GRN: variants seen among roughly 807,000 people sequenced by gnomAD.
GRN encodes granulin precursor.
GRN carries 30 observed loss-of-function variants against 66.7 expected under a neutral mutation model. That is an observed-to-expected ratio of 0.45 (90% CI 0.34 to 0.61). GRN has a LOEUF of 0.61. Among genes scored for constraint, GRN ranks in the 20% least tolerant of loss-of-function variants. GRN has a pLI of 0.01. For missense variants in GRN, 731 were observed against 803.5 expected (o/e 0.91, Z 1.09); for synonymous variants, 327 against 311.1 (o/e 1.05, Z -0.54).
rs931633599 is a variant in GRN, at chr17:44,350,260, G to T, written c.382G>T (p.Asp128Tyr). 6.2e-7 allele frequency: 1 copy of T among 1,613,848 alleles called. No individual in the cohort carries two copies. The highest frequency in any genetic ancestry group is 1.7e-5 in the Admixed American group (1 of 59,998). The change falls in exon 5 of 13, where the codon GAT (aspartate) becomes TAT (tyrosine). Residue 128 changes from aspartate to tyrosine, a missense_variant. Coordinates refer to ENST00000053867, the MANE Select transcript of GRN (RefSeq NM_002087.4). Reference protein sequence around the residue: ...NNSVGAIQCPDSQFECPDFST... With the variant: ...NNSVGAIQCPYSQFECPDFST... ...CTCCGTGGGTGCCATCCAGTGCCCT[G>T]ATAGTCAGTTCGAATGCCCGGACTT... is the stretch of plus-strand genomic sequence containing the variant.
At chr17:44,348,451 T>C (rs937713538) in intron 1 of GRN, among the ~76,000 whole-genome samples, 2 of 152,120 alleles carry the variant, frequency 1.3e-5, no homozygotes, top group Admixed American at 1.3e-4. Context: ...AGGGCCCTGG[T>C]GGTGTGGGGG....
intron 1 of GRN, 74 bp from the exon 2 acceptor site, chr17:44,349,084 G>C: frequency 6.5e-7 from 1 of 1,528,966 alleles, no homozygotes; most frequent in South Asian, 1.1e-5. Flanking sequence ...CCTGGGGCTA[G>C]GGTACTGAGT....
Position 44,352,917 on chromosome 17 carries a change from A to C in GRN, c.*119A>C. The C allele has an allele frequency of 6.2e-6, 6 of 972,004 alleles. No homozygotes were observed. Among genetic ancestry groups the C allele is most frequent in the Non-Finnish European group, 9.5e-6 (6 of 631,930 alleles). The allele number at this position is 972,004 out of a possible 1,614,324, so 60.2% of individuals were successfully genotyped here. A position where few individuals can be genotyped will look rare whatever the true frequency, so the allele number is the denominator to read the frequency against. On this transcript the variant is annotated 3_prime_UTR_variant, in exon 13 of 13. Transcript: ENST00000053867. ...CCCTGGACCCCATTCTGAGCTCCCC[A>C]TCACCATGGGAGGTGGGGCCTCAAT...
intron 4 of GRN, 150 bp downstream of exon 4, chr17:44,349,901 A>G (rs1310051636): frequency 6.0e-6 from 4 of 670,246 alleles, no homozygotes; most frequent in Non-Finnish European, 1.1e-5. Context: ...TGCTGTGGAC[A>G]GAGGGGCAGC....
rs764615963 is a variant in GRN, at chr17:44,352,413, G to A, written c.1486G>A (p.Glu496Lys). The change falls in exon 12 of 13, where the codon GAG becomes AAG. Residue 496 changes from glutamate (E) to lysine (K), a missense_variant. Glu to Lys is a moderately conservative substitution (Grantham distance 56). This residue lies in a region of GRN where 319 missense variants were observed against 347.2 expected (regional missense o/e 0.92). Transcript: ENST00000053867. ...CTGCAACGTGAAGGCTCGATCCTGC[G>A]AGAAGGAAGTGGTCTCTGCCCAGCC... ...YTCNVKARSC[E>K]KEVVSAQPAT... The A allele has an allele frequency of 2.4e-5, 39 of 1,613,912 alleles. No homozygotes were observed. Among genetic ancestry groups the A allele is most frequent in the Non-Finnish European group, 2.9e-5 (34 of 1,180,024 alleles).
intron 7 of GRN, 87 bp from the exon 8 acceptor site, chr17:44,350,950 T>C: frequency 6.7e-7 from 1 of 1,502,514 alleles, no homozygotes; most frequent in Middle Eastern, 1.7e-4. Flanking sequence ...TAGTGGGGGA[T>C]TGGGGCAGTG....
chr17:44,352,478 G>T lies in GRN; in HGVS notation c.1551G>T (p.Lys517Asn). ...FLARSPHVGV[K>N]DVECGEGHFC... is the part of the protein sequence containing the mutation. ...CCCGTAGCCCTCACGTGGGTGTGAAGGACGTGGAGTGTGGGGAAGGACACT... is the reference window on the plus strand; with the variant it reads ...CCCGTAGCCCTCACGTGGGTGTGAATGACGTGGAGTGTGGGGAAGGACACT... The change falls in exon 12 of 13, where the codon AAG becomes AAT. Residue 517 changes from lysine to asparagine, a missense_variant. By Grantham distance (94) the Lys-to-Asn change is moderately conservative (BLOSUM62 0). Transcript: ENST00000053867. The T allele has an allele frequency of 6.2e-7, 1 of 1,614,072 alleles. No individual in the cohort carries two copies. Among genetic ancestry groups the T allele is most frequent in the Non-Finnish European group, 8.5e-7 (1 of 1,179,982 alleles).
Position 44,349,952 on chromosome 17 carries a change from G to C in GRN, c.349+201G>C. 7.8e-6 allele frequency: 5 copies of C among 640,422 alleles called. No individual in the cohort carries two copies. In the South Asian group the frequency reaches 9.0e-5, roughly 12 times the overall value. The allele number at this position is 640,422 out of a possible 1,614,324, so 39.7% of individuals were successfully genotyped here. On this transcript the variant is annotated intron_variant, in intron 4 of 12. Transcript: ENST00000053867. ...GTGCGGGAGAAAGTGCAAGACTCCA[G>C]GTCCAGGCGTTGTGGGGGTGGGGAG...
At chr17:44,345,522 C>T (rs971856577) in intron 1 of GRN, 188 bp downstream of exon 1, 3 of 152,354 alleles carry the variant, frequency 2.0e-5, no homozygotes, top group African/African-American at 4.8e-5. Flanking sequence ...TGCAGTGACG[C>T]CCCGTTAGAA....
intron 4 of GRN, 187 bp from the exon 5 acceptor site, chr17:44,350,041 T>C: frequency 1.5e-6 from 1 of 674,550 alleles, no homozygotes; most frequent in Admixed American, 2.1e-5. Flanking sequence ...CCATGCCATC[T>C]TGCTGAGGGA....
In GRN at chr17:44,352,137, T is replaced by C. The variant is rs1449210466; in HGVS notation, c.1302T>C (p.Ala434=). The change falls in exon 11 of 13, where the codon GCT becomes GCC. Residue 434 remains alanine, a synonymous_variant. Coordinates refer to ENST00000053867, the MANE Select transcript of GRN (RefSeq NM_002087.4). ...AGLEKMPARR[A]SLSHPRDIGC... is the part of the protein sequence containing the mutation. Reference sequence around the variant, plus strand: ...TGGAGAAGATGCCTGCCCGCCGGGCTTCCTTATCCCACCCCAGAGACATCG... The same window carrying C: ...TGGAGAAGATGCCTGCCCGCCGGGCCTCCTTATCCCACCCCAGAGACATCG... 8.1e-6 allele frequency: 13 copies of C among 1,613,712 alleles called. No homozygotes were observed. The African/African-American group carries it at 1.6e-4, about 20-fold the overall frequency.
In GRN at chr17:44,349,273, G is replaced by A. The variant is rs2048348973; in HGVS notation, c.109G>A (p.Ala37Thr). The A allele has an allele frequency of 1.9e-6, 3 of 1,613,824 alleles. No homozygotes were observed. Among genetic ancestry groups the A allele is most frequent in the East Asian group, 2.2e-5 (1 of 44,898 alleles). ...PVACCLDPGG[A>T]SYSCCRPLLD... is the part of the protein sequence containing the mutation. The stretch of plus-strand genomic sequence containing the variant: ...GGCCTGCTGCCTGGACCCCGGAGGA[G>A]CCAGCTACAGCTGCTGCCGTCCCCT... The change falls in exon 2 of 13, where the codon GCC (alanine) becomes ACC (threonine). Residue 37 changes from alanine to threonine, a missense_variant. By Grantham distance (58) the Ala-to-Thr change is moderately conservative. Around this residue, in one of 3 missense-constraint regions of GRN, gnomAD observed 370 missense variants for 379.8 expected, o/e 0.97. Transcript: ENST00000053867.
At chr17:44,351,198 C>T in intron 8 of GRN, 35 bp downstream of exon 8, 1 of 1,613,164 alleles carries the variant, frequency 6.2e-7, no homozygotes, top group Non-Finnish European at 8.5e-7. Flanking sequence ...AGGGGTGGGG[C>T]CCCCTTTCCT....
At position 44,352,006 on chromosome 17, in the gene GRN, A is replaced by AC; in HGVS notation, c.1180-3dup. ...CTACCTACAACGCCCTTTCCTGCCC[A>AC]CCCCCCAGGCTGTCTGCTGCTCGGA... On this transcript the variant is annotated splice_polypyrimidine_tract_variant and intron_variant, in intron 10 of 12. Transcript: ENST00000053867. 1.2e-6 allele frequency: 2 copies of AC among 1,607,574 alleles called. No homozygotes were observed. Among genetic ancestry groups the AC allele is most frequent in the Non-Finnish European group, 1.7e-6 (2 of 1,175,902 alleles).
chr17:44,350,421 G>T (rs2048361238), intron 5 of GRN, 21 bp from the exon 6 acceptor site: 1 of 1,613,842 alleles, frequency 6.2e-7, no homozygotes, highest in East Asian at 2.2e-5. Flanking sequence ...TGAAGACGGA[G>T]TCAGGACCAT....
chr17:44,352,298 G>T, intron 11 of GRN, 43 bp from the exon 12 acceptor site: 7 of 1,605,252 alleles, frequency 4.4e-6, no homozygotes, highest in Non-Finnish European at 5.1e-6. Flanking sequence ...GCCCAGTGAG[G>T]GGACAGGAAC....
Position 44,350,451 on chromosome 17 carries a change from T to A in GRN, c.472T>A (p.Cys158Ser). ...GACCATTTTTTCTCAGGCTTCCTGC[T>A]GTGAAGACAGGGTGCACTGCTGTCC... Reference protein sequence around the residue: ...GCCPMPQASCCEDRVHCCPHG... With the variant: ...GCCPMPQASCSEDRVHCCPHG... The change falls in exon 6 of 13, where the codon TGT (cysteine) becomes AGT (serine). Residue 158 changes from cysteine (C) to serine (S), a missense_variant. Coordinates refer to ENST00000053867, the MANE Select transcript of GRN (RefSeq NM_002087.4). 1 of 1,613,962 alleles carries A rather than the reference T, an allele frequency of 6.2e-7. No individual in the cohort carries two copies. Among genetic ancestry groups the A allele is most frequent in the South Asian group, 1.1e-5 (1 of 91,078 alleles).
In GRN at chr17:44,351,430, G is replaced by A. The variant is rs63750142; in HGVS notation, c.903G>A (p.Ser301=). ...GCTATACCTGCTGCCGTCTACAGTCGGGGGCCTGGGGCTGCTGCCCTTTTA... is the reference window on the plus strand; with the variant it reads ...GCTATACCTGCTGCCGTCTACAGTCAGGGGCCTGGGGCTGCTGCCCTTTTA... The part of the protein sequence containing the change: ...PDGYTCCRLQ[S]GAWGCCPFTQ... The change falls in exon 9 of 13, where the codon TCG becomes TCA. Residue 301 remains serine (S), a synonymous_variant. Transcript: ENST00000053867. 8.1e-4 allele frequency: 1,309 copies of A among 1,613,512 alleles called. No homozygotes were observed. The highest frequency in any genetic ancestry group is 1.0e-3 in the Non-Finnish European group (1,206 of 1,179,526).
Position 44,352,647 on chromosome 17 carries a change from CT to C in GRN, c.1645-13del. The C allele has an allele frequency of 2.5e-6, 4 of 1,610,042 alleles. No individual in the cohort carries two copies. The highest frequency in any genetic ancestry group is 3.4e-6 in the Non-Finnish European group (4 of 1,179,996). Reference sequence around the variant, plus strand: ...CACCTCGTCCAACCCTCTCGCCCCCCTCTGACCATCCAGGGCGTCTGTTGTG... The same window carrying C: ...CACCTCGTCCAACCCTCTCGCCCCCCCTGACCATCCAGGGCGTCTGTTGTG... On this transcript the variant is annotated splice_polypyrimidine_tract_variant and intron_variant, in intron 12 of 12. Coordinates refer to ENST00000053867, the MANE Select transcript of GRN (RefSeq NM_002087.4).
Sources: allele counts gnomAD v4.1 joint callset (sites outside exome capture counted in the v4.1 genomes callset), GRCh38; gene constraint gnomAD v4.1.1; regional missense constraint gnomAD v4.1.1; transcripts MANE v1.5; gene names NCBI Gene and HGNC (gene_info 2026-07-23, HGNC 2026-07-21).